SORCS1: variants seen among roughly 807,000 people sequenced by gnomAD.
SORCS1 encodes the protein sortilin related VPS10 domain containing receptor 1.
Under a neutral mutation model 146.1 loss-of-function variants are expected in SORCS1, and 60 were observed. The ratio of observed to expected loss-of-function variants is 0.41; its 90% CI spans 0.33 to 0.51. SORCS1 has a LOEUF of 0.51. SORCS1 is among the 20% of genes least tolerant of loss of function. The pLI is 0.21. For synonymous variants in SORCS1, 637 were observed against 584.0 expected (o/e 1.09, Z -1.31); for missense variants, 1,352 against 1,487.6 (o/e 0.91, Z 1.50).
intron 1 of SORCS1, among the ~76,000 whole-genome samples, chr10:107,051,882 C>T (rs1960161278): frequency 6.6e-6 from 1 of 152,120 alleles, no homozygotes; most frequent in Non-Finnish European, 1.5e-5. Context: ...CTCTTCCTGA[C>T]TTAAGGACTA....
At chr10:106,852,627 C>CAAAA (rs370300215) in intron 2 of SORCS1, among the ~76,000 whole-genome samples, 24 of 84,572 alleles carry the variant, frequency 2.8e-4, no homozygotes, top group South Asian at 4.6e-4. Flanking sequence ...GACCCTGTCT[C>CAAAA]AAAAAAAAAA....
At chr10:107,135,950 A>G (rs1967261450) in intron 1 of SORCS1, among the ~76,000 whole-genome samples, 1 of 152,228 alleles carries the variant, frequency 6.6e-6, no homozygotes, top group Admixed American at 6.5e-5. Flanking sequence ...GATATTACAT[A>G]TGGTTGTTAT....
chr10:106,825,331 G>A (rs1023899062), intron 3 of SORCS1, among the ~76,000 whole-genome samples: 1 of 149,252 alleles, frequency 6.7e-6, no homozygotes, highest in Non-Finnish European at 1.5e-5. Context: ...GAGTGCAGTG[G>A]CGCGATCTCA....
intron 1 of SORCS1, among the ~76,000 whole-genome samples, chr10:107,115,750 G>C (rs1283488932): frequency 6.6e-6 from 1 of 151,936 alleles, no homozygotes; most frequent in Non-Finnish European, 1.5e-5. Context: ...AAACAAATGG[G>C]AGTACATAAA....
chr10:106,835,441 C>A (rs987831060), intron 2 of SORCS1, among the ~76,000 whole-genome samples: 4 of 152,142 alleles, frequency 2.6e-5, no homozygotes, highest in South Asian at 2.1e-4. Flanking sequence ...AAACCTACAA[C>A]GTGAACCCTC....
intron 25 of SORCS1, 29 bp downstream of exon 25, chr10:106,579,340 T>C: frequency 1.2e-6 from 2 of 1,613,378 alleles, no homozygotes; most frequent in Non-Finnish European, 1.7e-6. Context: ...AGGTCAGGGG[T>C]GGGGGAACGT....
At chr10:107,108,973 T>C (rs1965495160) in intron 1 of SORCS1, among the ~76,000 whole-genome samples, 1 of 152,172 alleles carries the variant, frequency 6.6e-6, no homozygotes, top group African/African-American at 2.4e-5. Context: ...TCCAAAATAA[T>C]CTTCTTTCAC....
intron 1 of SORCS1, among the ~76,000 whole-genome samples, chr10:107,009,010 C>T (rs1957576299): frequency 6.6e-6 from 1 of 152,158 alleles, no homozygotes; most frequent in South Asian, 2.1e-4. Flanking sequence ...CAAAACTAAA[C>T]AAAACAAATG....
At chr10:106,639,475 G>A (rs1422124287) in intron 18 of SORCS1, among the ~76,000 whole-genome samples, 1 of 152,172 alleles carries the variant, frequency 6.6e-6, no homozygotes. Flanking sequence ...ATGTGGATTA[G>A]TTTTGAGGGG....
rs115841579 is a variant in SORCS1, at chr10:107,128,673, G to A, written c.558+35296C>T. 7.4e-3 allele frequency among the ~76,000 whole-genome samples: 1,125 copies of A among 152,310 alleles called. 16 individuals carry two copies. Among genetic ancestry groups the A allele is most frequent in the African/African-American group, 0.026 (1,076 of 41,574 alleles). On this transcript the variant is annotated intron_variant, in intron 1 of 25. Coordinates refer to ENST00000263054, the MANE Select transcript of SORCS1 (RefSeq NM_052918.5). ...AGAACTGCTACCATTAGTTCCTTAA[G>A]GAACATTTTCCTAGCTGGGACTTCA... is the stretch of plus-strand genomic sequence containing the variant.
At chr10:106,675,859 C>G (rs950152980) in intron 13 of SORCS1, among the ~76,000 whole-genome samples, 1 of 152,158 alleles carries the variant, frequency 6.6e-6, no homozygotes, top group Admixed American at 6.5e-5. Context: ...CAGAGAAGTG[C>G]CTTGCCCTTC....
chr10:107,130,415 T>A (rs1340572034), intron 1 of SORCS1, among the ~76,000 whole-genome samples: 1 of 152,244 alleles, frequency 6.6e-6, no homozygotes, highest in Non-Finnish European at 1.5e-5. Context: ...GCTAAAGCAG[T>A]AACAGATGTT....
chr10:106,992,198 G>A (rs1232243521), intron 1 of SORCS1, among the ~76,000 whole-genome samples: 1 of 152,238 alleles, frequency 6.6e-6, no homozygotes, highest in East Asian at 1.9e-4. Flanking sequence ...GAGCTTAAAA[G>A]CACAGGCATG....
Position 106,926,873 on chromosome 10 carries a change from AG to A in SORCS1, c.626+29639del, listed in dbSNP as rs1274477241. ...CACACACACACACACACACAGAGAG[AG>A]AGAGAGAGAGAGAGAGAGAGAGAGA... is the stretch of plus-strand genomic sequence containing the variant. On this transcript the variant is annotated intron_variant, in intron 2 of 25. Coordinates refer to ENST00000263054, the MANE Select transcript of SORCS1 (RefSeq NM_052918.5). Among the ~76,000 whole-genome samples, 378 of 109,766 alleles carry A rather than the reference AG, an allele frequency of 3.4e-3. 4 individuals carry two copies. The highest frequency in any genetic ancestry group is 0.013 in the South Asian group (50 of 3,824). 72.0% of individuals were successfully genotyped at this position (109,766 alleles called of 152,430 possible). A position where few individuals can be genotyped will look rare whatever the true frequency, so the allele number is the denominator to read the frequency against.
Position 107,020,495 on chromosome 10 carries a change from A to G in SORCS1, c.559-63915T>C, listed in dbSNP as rs551166736. On this transcript the variant is annotated intron_variant, in intron 1 of 25. Transcript: ENST00000263054. ...AAAGACACAGAACAAAGCTTTAGGGAGAAAATCTGCTTGATTTAGCATTTA... is the reference window on the plus strand; with the variant it reads ...AAAGACACAGAACAAAGCTTTAGGGGGAAAATCTGCTTGATTTAGCATTTA... 3.3e-5 allele frequency among the ~76,000 whole-genome samples: 5 copies of G among 152,350 alleles called. No homozygotes were observed. The East Asian group carries it at 9.6e-4, about 29-fold the overall frequency.
chr10:107,154,215 C>T (rs1969087039), intron 1 of SORCS1, among the ~76,000 whole-genome samples: 1 of 151,934 alleles, frequency 6.6e-6, no homozygotes, highest in Non-Finnish European at 1.5e-5. Context: ...GTTGGCCAGG[C>T]TGGCTTCAAA....
intron 3 of SORCS1, among the ~76,000 whole-genome samples, chr10:106,819,918 G>A (rs1947928464): frequency 6.6e-6 from 1 of 151,810 alleles, no homozygotes; most frequent in Non-Finnish European, 1.5e-5. Context: ...TTTTTCTTCT[G>A]CCCTCTGTCT....
rs756067996 is a variant in SORCS1, at chr10:106,607,304, GAC to G, written c.3034-9_3034-8del. ...GGCCTGGAACCCCTGTGGCCTGAGG[GAC>G]AGACACAGGGGCTCACATTAGTGCT... On this transcript the variant is annotated splice_polypyrimidine_tract_variant and splice_region_variant and intron_variant, in intron 22 of 25. Coordinates refer to ENST00000263054, the MANE Select transcript of SORCS1 (RefSeq NM_052918.5). 1.9e-6 allele frequency: 3 copies of G among 1,613,612 alleles called. No individual in the cohort carries two copies. Among genetic ancestry groups the G allele is most frequent in the Non-Finnish European group, 2.5e-6 (3 of 1,179,872 alleles).
chr10:106,596,165 G>GTC (rs1242884421), intron 24 of SORCS1, among the ~76,000 whole-genome samples: 1 of 152,010 alleles, frequency 6.6e-6, no homozygotes, highest in African/African-American at 2.4e-5. Flanking sequence ...ATGTTACGTA[G>GTC]TCTCTCTCTC....
Sources: allele counts gnomAD v4.1 joint callset (sites outside exome capture counted in the v4.1 genomes callset), GRCh38; gene constraint gnomAD v4.1.1; transcripts MANE v1.5; gene names NCBI Gene and HGNC (gene_info 2026-07-23, HGNC 2026-07-21).